The following IL12RB2 variants were observed in gnomAD, a reference collection of about 807,000 sequenced individuals.
The protein encoded by IL12RB2 is interleukin 12 receptor subunit beta 2.
In IL12RB2, 82 loss-of-function variants were observed where a neutral mutation model predicts 89.4. The observed-to-expected ratio is 0.92, with a 90% CI of 0.77 to 1.10. IL12RB2 has a LOEUF of 1.10. IL12RB2 is among the 50% of genes least tolerant of loss of function. The pLI is 0.00. For missense variants in IL12RB2, 963 were observed against 1,031.9 expected (o/e 0.93, Z 0.92); for synonymous variants, 368 against 370.1 (o/e 0.99, Z 0.07).
intron 9 of IL12RB2, among the ~76,000 whole-genome samples, chr1:67,339,275 T>C (rs940638606): frequency 2.6e-5 from 4 of 151,986 alleles, no homozygotes; most frequent in Admixed American, 6.6e-5. Context: ...TCACTTGAGG[T>C]CAGGGGTTAG....
chr1:67,390,649 T>C (rs771353107), intron 16 of IL12RB2, among the ~76,000 whole-genome samples: 17 of 151,920 alleles, frequency 1.1e-4, no homozygotes, highest in East Asian at 3.9e-4. Flanking sequence ...AAAGGAGAGG[T>C]TGATCAGCTG....
chr1:67,395,462 G>A (rs748585378), intron 16 of IL12RB2, 85 bp from the exon 17 acceptor site: 18 of 1,611,754 alleles, frequency 1.1e-5, no homozygotes, highest in Non-Finnish European at 1.4e-5. Context: ...AGTGCAGGTT[G>A]TGAGGCCTTT....
intron 11 of IL12RB2, among the ~76,000 whole-genome samples, chr1:67,369,644 C>A (rs866817081): frequency 5.9e-5 from 9 of 152,320 alleles, no homozygotes; most frequent in South Asian, 2.1e-4. Context: ...TTAGGACTTA[C>A]CCCTGTGGGA....
At position 67,367,958 on chromosome 1, in the gene IL12RB2, G is replaced by T. The variant is rs746393859; in HGVS notation, c.1392G>T (p.Gly464=). ...TGGAATGGAGAGAGCTCCATCCAGG[G>T]GGTGACACACAGGTCCCTCTAAACT... is the stretch of plus-strand genomic sequence containing the variant. ...YVVEWRELHP[G]GDTQVPLNWL... The change falls in exon 11 of 17, where the codon GGG becomes GGT. Residue 464 remains glycine (G), a synonymous_variant. Transcript: ENST00000674203. The T allele has an allele frequency of 5.3e-5, 85 of 1,610,484 alleles. No individual in the cohort carries two copies. Among genetic ancestry groups the T allele is most frequent in the Non-Finnish European group, 7.0e-5 (82 of 1,176,848 alleles).
intron 15 of IL12RB2, 21 bp downstream of exon 15, chr1:67,386,690 A>T: frequency 6.7e-7 from 1 of 1,481,826 alleles, no homozygotes; most frequent in South Asian, 1.1e-5. Context: ...TACACCTACC[A>T]AGTGGGTAAA....
Position 67,321,592 on chromosome 1 carries a change from C to T in IL12RB2, c.77-10C>T. ...CACCAACTAAATATTGCATCTGTAT[C>T]TTATTGCAGATGCGTGCAAGAGAGG... On this transcript the variant is annotated splice_polypyrimidine_tract_variant and intron_variant, in intron 3 of 16. Coordinates refer to ENST00000674203, the MANE Select transcript of IL12RB2 (RefSeq NM_001374259.2). 1 of 1,557,366 alleles carries T rather than the reference C, an allele frequency of 6.4e-7. No homozygotes were observed. The highest frequency in any genetic ancestry group is 8.9e-7 in the Non-Finnish European group (1 of 1,128,754).
intron 10 of IL12RB2, among the ~76,000 whole-genome samples, chr1:67,362,588 A>AAG (rs1553123363): frequency 1.3e-5 from 2 of 149,180 alleles, no homozygotes; most frequent in Non-Finnish European, 3.0e-5. Context: ...AAAAAAAAAA[A>AAG]AAAAGAAAAA....
At chr1:67,322,837 A>G (rs1246078207) in intron 4 of IL12RB2, among the ~76,000 whole-genome samples, 3 of 152,188 alleles carry the variant, frequency 2.0e-5, no homozygotes, top group Non-Finnish European at 4.4e-5. Flanking sequence ...GCACAGGATG[A>G]ACCAGCAGCC....
chr1:67,370,162 T>G (rs1423047043), intron 11 of IL12RB2, among the ~76,000 whole-genome samples: 2 of 152,136 alleles, frequency 1.3e-5, no homozygotes, highest in African/African-American at 4.8e-5. Context: ...ATTAAGCAAT[T>G]CATGGTTATT....
intron 9 of IL12RB2, among the ~76,000 whole-genome samples, chr1:67,345,362 A>G (rs1254215039): frequency 6.6e-6 from 1 of 152,214 alleles, no homozygotes; most frequent in Non-Finnish European, 1.5e-5. Context: ...TGTGAAAGGA[A>G]CAGCTTATTC....
rs149600486 is a variant in IL12RB2, at chr1:67,359,604, C to T, written c.1259-8221C>T. Among the ~76,000 whole-genome samples, 179 of 152,172 alleles carry T rather than the reference C, an allele frequency of 1.2e-3. 3 individuals are homozygous for T. The East Asian group carries it at 0.022, about 19-fold the overall frequency. On this transcript the variant is annotated intron_variant, in intron 10 of 16. Transcript: ENST00000674203. ...GGGAGTCGTGGCATATGCCCTTAAT[C>T]TCAGCTACTCCAGAGGCTGGGACAG...
chr1:67,308,731 G>C (rs774488199), intron 1 of IL12RB2, among the ~76,000 whole-genome samples: 2 of 152,148 alleles, frequency 1.3e-5, no homozygotes, highest in African/African-American at 2.4e-5. Flanking sequence ...CCTTGTCTAA[G>C]AACAGGGTCC....
chr1:67,360,667 G>A (rs545663135), intron 10 of IL12RB2, among the ~76,000 whole-genome samples: 3 of 151,698 alleles, frequency 2.0e-5, no homozygotes, highest in South Asian at 2.1e-4. Flanking sequence ...GTAGTGGCAC[G>A]TGCCTGTAAT....
At chr1:67,368,719 C>A (rs1218137094) in intron 11 of IL12RB2, among the ~76,000 whole-genome samples, 1 of 152,158 alleles carries the variant, frequency 6.6e-6, no homozygotes, top group East Asian at 1.9e-4. Context: ...AGCCATACTA[C>A]CTGGGTTCGA....
intron 2 of IL12RB2, among the ~76,000 whole-genome samples, chr1:67,317,690 G>C (rs1655950425): frequency 6.6e-6 from 1 of 152,144 alleles, no homozygotes. Flanking sequence ...CCATTTTCCT[G>C]TCTACCACAG....
Position 67,309,045 on chromosome 1 carries a change from C to CATATAT in IL12RB2, c.-125+1088_-125+1093dup, listed in dbSNP as rs146292829. ...AAAAATAAATACATACATACATATA[C>CATATAT]ATATATATATATATACACACACACA... On this transcript the variant is annotated intron_variant, in intron 1 of 16. Transcript: ENST00000674203. Among the ~76,000 whole-genome samples, 363 of 149,466 alleles carry CATATAT rather than the reference C, an allele frequency of 2.4e-3. 1 individual carries two copies. In the Middle Eastern group the frequency reaches 0.052, roughly 22 times the overall value.
chr1:67,336,969 T>C (rs189145894), intron 8 of IL12RB2, among the ~76,000 whole-genome samples: 1 of 152,280 alleles, frequency 6.6e-6, no homozygotes, highest in Non-Finnish European at 1.5e-5. Context: ...ATATGTGGAA[T>C]TATCACCCTC....
Position 67,321,656 on chromosome 1 carries a change from G to C in IL12RB2, c.131G>C (p.Gly44Ala). 1 of 1,603,592 alleles carries C rather than the reference G, an allele frequency of 6.2e-7. No individual in the cohort carries two copies. Among genetic ancestry groups the C allele is most frequent in the Non-Finnish European group, 8.5e-7 (1 of 1,170,460 alleles). The part of the protein sequence containing the change: ...TVKPSHVILL[G>A]STVNITCSLK... ...AAGCCTTCCCATGTAATTTTACTTGGATCCACTGTCAATATTACATGCTCT... is the reference window on the plus strand; with the variant it reads ...AAGCCTTCCCATGTAATTTTACTTGCATCCACTGTCAATATTACATGCTCT... Residue 44 changes from glycine to alanine, a missense_variant, in exon 4 of 17, where the codon GGA (glycine) becomes GCA (alanine). Physicochemically the swap from Gly to Ala is moderately conservative, Grantham distance 60. Transcript: ENST00000674203.
chr1:67,309,671 G>C (rs1334566853), intron 1 of IL12RB2, among the ~76,000 whole-genome samples: 1 of 152,018 alleles, frequency 6.6e-6, no homozygotes, highest in Non-Finnish European at 1.5e-5. Flanking sequence ...AATCTTTTCT[G>C]TATTAGAATG....
Sources: gnomAD v4.1 joint callset for allele counts (sites outside exome capture counted in the v4.1 genomes callset) on GRCh38, gnomAD v4.1.1 for gene constraint, MANE v1.5 for transcripts, NCBI Gene and HGNC (gene_info 2026-07-23, HGNC 2026-07-21) for gene names.